CLIC5: variants seen among roughly 807,000 people sequenced by gnomAD.
CLIC5 encodes the protein chloride intracellular channel protein 5.
CLIC5 carries 20 observed loss-of-function variants against 24.7 expected under a neutral mutation model. The ratio of observed to expected loss-of-function variants is 0.81; its 90% CI spans 0.57 to 1.18. CLIC5 has a LOEUF of 1.18. CLIC5 is among the 50% of genes most tolerant of loss of function. CLIC5 has a pLI of 0.00. For missense variants in CLIC5, 341 were observed against 326.1 expected (o/e 1.05, Z -0.35); for synonymous variants, 159 against 135.6 (o/e 1.17, Z -1.20).
rs187484304 is a variant in CLIC5, at chr6:45,923,706, T to C, written c.407-9297A>G. Among the ~76,000 whole-genome samples the C allele has an allele frequency of 7.9e-5, 12 of 152,370 alleles. No homozygotes were observed. In the East Asian group the frequency reaches 1.9e-3, roughly 24 times the overall value. ...AGGAAATACACATGGTAGTCATTCA[T>C]TGAGTATTCATCGGATCGTGAACTG... On this transcript the variant is annotated intron_variant, in intron 4 of 5. Coordinates refer to ENST00000339561, the MANE Select transcript of CLIC5 (RefSeq NM_016929.5).
chr6:46,126,930 T>C, the CLIC5 span, among the ~76,000 whole-genome samples: 1 of 152,226 alleles, frequency 6.6e-6, no homozygotes, highest in African/African-American at 2.4e-5. Flanking sequence ...GAGCTATGTC[T>C]TAAATTTTGA....
At chr6:46,044,559 A>G (rs189817217) in intron 1 of CLIC5, among the ~76,000 whole-genome samples, 1 of 152,322 alleles carries the variant, frequency 6.6e-6, no homozygotes, top group Admixed American at 6.5e-5. Context: ...TAAAATGGAA[A>G]TGGAGATTTG....
At chr6:46,053,571 C>T (rs920090561) in intron 1 of CLIC5, among the ~76,000 whole-genome samples, 2 of 152,182 alleles carry the variant, frequency 1.3e-5, no homozygotes, top group African/African-American at 4.8e-5. Context: ...GGCCTTCCCT[C>T]CCACCCAGTA....
upstream of CLIC5, among the ~76,000 whole-genome samples, chr6:46,083,783 T>C (rs1295427477): frequency 6.6e-6 from 1 of 152,026 alleles, no homozygotes; most frequent in Non-Finnish European, 1.5e-5. Context: ...TGTAGATGTC[T>C]ATTAGGTCTG....
chr6:46,048,874 G>T (rs866428490), intron 1 of CLIC5, among the ~76,000 whole-genome samples: 4 of 152,294 alleles, frequency 2.6e-5, no homozygotes, highest in African/African-American at 7.2e-5. Flanking sequence ...TCAGACCGTG[G>T]CCACAGTAGG....
chr6:46,031,040 C>G (rs901124467), intron 1 of CLIC5, among the ~76,000 whole-genome samples: 2 of 152,190 alleles, frequency 1.3e-5, no homozygotes, highest in Non-Finnish European at 2.9e-5. Context: ...GTACCTAGCA[C>G]AGATGCAGGC....
At chr6:45,992,483 T>C (rs1765977119) in intron 1 of CLIC5, among the ~76,000 whole-genome samples, 1 of 152,218 alleles carries the variant, frequency 6.6e-6, no homozygotes, top group South Asian at 2.1e-4. Context: ...AGATTCTTTA[T>C]TGAAGAGAAT....
chr6:46,044,526 G>A (rs1767902918), intron 1 of CLIC5, among the ~76,000 whole-genome samples: 1 of 152,120 alleles, frequency 6.6e-6, no homozygotes, highest in South Asian at 2.1e-4. Context: ...TTTCAGTATT[G>A]TTACAAACCT....
chr6:46,025,017 A>G lies in CLIC5; in HGVS notation c.540+54686T>C, dbSNP rs529463757. Among the ~76,000 whole-genome samples, 101 of 152,306 alleles carry G rather than the reference A, an allele frequency of 6.6e-4. 1 individual carries two copies. The highest frequency in any genetic ancestry group is 2.3e-3 in the African/African-American group (94 of 41,550). On this transcript the variant is annotated intron_variant, in intron 1 of 5. Transcript: ENST00000185206. Reference sequence around the variant, plus strand: ...GGTACAGAATAAAAGTTAAAAAATAATAAATAATGTCTCCATTAATTGATT... The same window carrying G: ...GGTACAGAATAAAAGTTAAAAAATAGTAAATAATGTCTCCATTAATTGATT...
intron 1 of CLIC5, among the ~76,000 whole-genome samples, chr6:46,060,104 A>G (rs1190515275): frequency 2.6e-5 from 4 of 152,224 alleles, no homozygotes; most frequent in Non-Finnish European, 5.9e-5. Context: ...CTGATACTAC[A>G]GAGACATCTT....
intron 1 of CLIC5, among the ~76,000 whole-genome samples, chr6:45,994,760 G>C (rs1039961378): frequency 2.0e-5 from 3 of 152,160 alleles, no homozygotes; most frequent in African/African-American, 7.2e-5. Context: ...AGGGTGCCCA[G>C]TGCCTACACC....
At chr6:46,044,510 A>G (rs879930541) in intron 1 of CLIC5, among the ~76,000 whole-genome samples, 1 of 152,144 alleles carries the variant, frequency 6.6e-6, no homozygotes, top group East Asian at 1.9e-4. Context: ...GATTTGAGTT[A>G]TTTGCTTTCA....
chr6:46,002,139 G>C (rs140417246), intron 1 of CLIC5, among the ~76,000 whole-genome samples: 1 of 152,194 alleles, frequency 6.6e-6, no homozygotes, highest in Non-Finnish European at 1.5e-5. Flanking sequence ...AGAATCCTGC[G>C]AGGACTCGAT....
the CLIC5 span, among the ~76,000 whole-genome samples, chr6:46,118,218 T>G: frequency 6.6e-6 from 1 of 152,184 alleles, no homozygotes; most frequent in Admixed American, 6.5e-5. Flanking sequence ...CAAATATTAT[T>G]TGTTATCTTA....
At position 45,903,171 on chromosome 6, in the gene CLIC5, C is replaced by T. The variant is rs202102019; in HGVS notation, c.673G>A (p.Asp225Asn). 2 of 1,614,114 alleles carry T rather than the reference C, an allele frequency of 1.2e-6. No individual in the cohort carries two copies. Among genetic ancestry groups the T allele is most frequent in the African/African-American group, 1.3e-5 (1 of 75,050 alleles). The change falls in exon 6 of 6, where the codon GAT (aspartate) becomes AAT (asparagine). Residue 225 changes from aspartate (D) to asparagine (N), a missense_variant. Physicochemically the swap from Asp to Asn is conservative, Grantham distance 23 (BLOSUM62 1). Coordinates refer to ENST00000339561, the MANE Select transcript of CLIC5 (RefSeq NM_016929.5). ...GCTGCACAGGTGTTGGTGAACTCAT[C>T]ACGGGCATAGGCGTTCTTGAGGTAC... ...WRYLKNAYAR[D>N]EFTNTCAADS...
intron 2 of CLIC5, among the ~76,000 whole-genome samples, chr6:45,950,598 A>G (rs1278021834): frequency 6.6e-6 from 1 of 152,146 alleles, no homozygotes; most frequent in Non-Finnish European, 1.5e-5. Context: ...AAAAACTCAT[A>G]CATTTTAAAT....
At chr6:45,970,428 A>G (rs564624765) in intron 1 of CLIC5, among the ~76,000 whole-genome samples, 29 of 152,318 alleles carry the variant, frequency 1.9e-4, no homozygotes, top group African/African-American at 7.0e-4. Flanking sequence ...CCGAGCTGTA[A>G]TTGGAAAGGA....
At position 45,912,605 on chromosome 6, in the gene CLIC5, A is replaced by T. The variant is rs932674556; in HGVS notation, c.588+1623T>A. The T allele has an allele frequency of 6.2e-6, 9 of 1,460,382 alleles. No individual in the cohort carries two copies. In the African/African-American group the frequency reaches 1.3e-4, roughly 21 times the overall value. The allele number at this position is 1,460,382 out of a possible 1,614,324, so 90.5% of individuals were successfully genotyped here. On this transcript the variant is annotated intron_variant, in intron 5 of 5. Coordinates refer to ENST00000339561, the MANE Select transcript of CLIC5 (RefSeq NM_016929.5). The stretch of plus-strand genomic sequence containing the variant: ...AAATGAATTCCAAAAAGATTAAATG[A>T]TGTGCCTCAGCTCATGCTGCTAGTT...
In CLIC5 at chr6:46,015,566, T is replaced by C; in HGVS notation, c.-24A>G. 6.4e-7 allele frequency: 1 copy of C among 1,552,796 alleles called. No homozygotes were observed. Among genetic ancestry groups the C allele is most frequent in the Non-Finnish European group, 8.7e-7 (1 of 1,150,364 alleles). On this transcript the variant is annotated 5_prime_UTR_variant, in exon 1 of 6. Transcript: ENST00000339561. The stretch of plus-strand genomic sequence containing the variant: ...ATGCCGTTGGCGCCCGGGGCTACCG[T>C]CCCGGGCCGGGGAGGCGCCACCTCT...
Sources: gnomAD v4.1 joint callset for allele counts (sites outside exome capture counted in the v4.1 genomes callset) on GRCh38, gnomAD v4.1.1 for gene constraint, MANE v1.5 for transcripts, NCBI Gene and HGNC (gene_info 2026-07-23, HGNC 2026-07-21) for gene names.